The following YLPM1 variants were observed in gnomAD, a reference collection of about 807,000 sequenced individuals.
The protein encoded by YLPM1 is YLP motif containing 1, also known as YLP motif-containing protein 1.
YLPM1 carries 99 observed loss-of-function variants against 230.0 expected under a neutral mutation model. The observed-to-expected ratio is 0.43, with a 90% CI of 0.37 to 0.51. The LOEUF (loss-of-function observed/expected upper bound fraction) is 0.51, where lower values mean the gene tolerates loss of function less well. Ranked by LOEUF, YLPM1 falls within the 20% of genes least tolerant of loss-of-function variation. YLPM1 has a pLI of 0.00. For missense variants in YLPM1, 2,592 were observed against 2,707.7 expected (o/e 0.96, Z 0.95); for synonymous variants, 984 against 942.5 (o/e 1.04, Z -0.81).
intron 18 of YLPM1, chr14:74,827,822 G>A: frequency 1.0e-6 from 1 of 985,030 alleles, no homozygotes; most frequent in African/African-American, 1.7e-5. Context: ...TGTGCAGTCA[G>A]GGGGTCACTT....
intron 4 of YLPM1, among the ~76,000 whole-genome samples, chr14:74,792,021 T>G (rs1442000326): frequency 6.6e-6 from 1 of 152,206 alleles, no homozygotes; most frequent in Admixed American, 6.5e-5. Flanking sequence ...ACATAGCAAA[T>G]GATTTTATAC....
chr14:74,808,040 A>G (rs2140122440), intron 6 of YLPM1, among the ~76,000 whole-genome samples: 1 of 152,302 alleles, frequency 6.6e-6, no homozygotes, highest in African/African-American at 2.4e-5. Context: ...TAGATTTGGT[A>G]TTGGCCTGGG....
Position 74,812,790 on chromosome 14 carries a change from C to G in YLPM1, c.5502+8C>G, listed in dbSNP as rs3815629. The G allele has an allele frequency of 6.2e-7, 1 of 1,609,932 alleles. No homozygotes were observed. The highest frequency in any genetic ancestry group is 8.5e-7 in the Non-Finnish European group (1 of 1,177,610). On this transcript the variant is annotated splice_region_variant and intron_variant, in intron 11 of 20. Transcript: ENST00000325680. ...GAGAGCAGACCTGAGAGAGTGAGTCCTATGAAGTTGATTCGTCTTCGTGCA... is the reference window on the plus strand; with the variant it reads ...GAGAGCAGACCTGAGAGAGTGAGTCGTATGAAGTTGATTCGTCTTCGTGCA...
intron 6 of YLPM1, among the ~76,000 whole-genome samples, chr14:74,806,128 A>G (rs1280404783): frequency 6.6e-6 from 1 of 150,530 alleles, no homozygotes; most frequent in Non-Finnish European, 1.5e-5. Context: ...AGGCCAAGGC[A>G]GGTGGATCAC....
intron 18 of YLPM1, among the ~76,000 whole-genome samples, chr14:74,825,390 T>A (rs1170972041): frequency 6.6e-6 from 1 of 152,158 alleles, no homozygotes; most frequent in Non-Finnish European, 1.5e-5. Flanking sequence ...TGTTGTCAAG[T>A]CTAAAAGATT....
chr14:74,820,157 G>A (rs949228186), intron 16 of YLPM1, among the ~76,000 whole-genome samples: 1 of 151,944 alleles, frequency 6.6e-6, no homozygotes, highest in East Asian at 1.9e-4. Context: ...AATATTGTTC[G>A]TCCAAACCTG....
intron 19 of YLPM1, among the ~76,000 whole-genome samples, chr14:74,831,415 A>G (rs970701528): frequency 6.6e-6 from 1 of 152,250 alleles, no homozygotes; most frequent in Non-Finnish European, 1.5e-5. Flanking sequence ...CTCCAGTTTT[A>G]AGGCTGGAGC....
intron 2 of YLPM1, among the ~76,000 whole-genome samples, chr14:74,778,995 C>G (rs2091068496): frequency 1.3e-5 from 2 of 152,102 alleles, no homozygotes; most frequent in Non-Finnish European, 2.9e-5. Flanking sequence ...CATGCACCAC[C>G]ATGACCGGCT....
chr14:74,812,060 C>T lies in YLPM1; in HGVS notation c.5347+322C>T, dbSNP rs79818843. On this transcript the variant is annotated intron_variant, in intron 10 of 20. Transcript: ENST00000325680. ...AAGTATAATAATACAATTTCTTTATCGTGATTGTTCTGATTGATATTGCAC... is the reference window on the plus strand; with the variant it reads ...AAGTATAATAATACAATTTCTTTATTGTGATTGTTCTGATTGATATTGCAC... Among the ~76,000 whole-genome samples the T allele has an allele frequency of 1.4e-4, 22 of 152,230 alleles. No individual in the cohort carries two copies. In the East Asian group the frequency reaches 2.9e-3, roughly 20 times the overall value.
rs766753351 is a variant in YLPM1 at position 74,781,728 on chromosome 14, C to T, written c.1685C>T (p.Pro562Leu). The T allele has an allele frequency of 3.1e-6, 5 of 1,612,850 alleles. No homozygotes were observed. The highest frequency in any genetic ancestry group is 4.2e-6 in the Non-Finnish European group (5 of 1,179,624). Residue 562 changes from proline to leucine, a missense_variant, in exon 4 of 21, where the codon CCA becomes CTA. By Grantham distance (98) the Pro-to-Leu change is moderately conservative. This residue lies in a region of YLPM1 where 1,862 missense variants were observed against 1,819.8 expected (regional missense o/e 1.02). Coordinates refer to ENST00000325680, the MANE Select transcript of YLPM1 (RefSeq NM_019589.3). ...ACAGTGCCACCACCTGGCATGCCCC[C>T]ACCTGTTATGCCACCTTCTCTACCA... ...PATVPPPGMP[P>L]PVMPPSLPTS...
In YLPM1 at chr14:74,787,274, C is replaced by T. The variant is rs116304239; in HGVS notation, c.2282+4949C>T. ...TTCTTAATGAGCACTTGAATGTAAACGCTGCATGCTGGGTACAGTGGCTCA... is the reference window on the plus strand; with the variant it reads ...TTCTTAATGAGCACTTGAATGTAAATGCTGCATGCTGGGTACAGTGGCTCA... On this transcript the variant is annotated intron_variant, in intron 4 of 20. Transcript: ENST00000325680. Among the ~76,000 whole-genome samples, 555 of 152,214 alleles carry T rather than the reference C, an allele frequency of 3.6e-3. 8 individuals carry two copies. Among genetic ancestry groups the T allele is most frequent in the African/African-American group, 0.012 (519 of 41,540 alleles).
chr14:74,826,898 T>C (rs1566767463), intron 18 of YLPM1, among the ~76,000 whole-genome samples: 1 of 152,248 alleles, frequency 6.6e-6, no homozygotes, highest in Non-Finnish European at 1.5e-5. Flanking sequence ...ACTGTGAAGC[T>C]AGAATATTTG....
rs770411667 is a variant in YLPM1 at position 74,824,303 on chromosome 14, G to A, written c.6159G>A (p.Lys2053=). 1.2e-6 allele frequency: 2 copies of A among 1,612,148 alleles called. No individual in the cohort carries two copies. The highest frequency in any genetic ancestry group is 1.1e-5 in the South Asian group (1 of 90,928). The change falls in exon 18 of 21, where the codon AAG becomes AAA. Residue 2053 remains lysine (K), a synonymous_variant. Transcript: ENST00000325680. ...SKWEMDTSEA[K]LDKLDGLRTG... ...GGGAGATGGACACATCTGAGGCAAA[G>A]CTAGGTGGGTATTTCCTTTTTCCTG...
At chr14:74,810,720 TTTATTATTA>T (rs34344967) in intron 9 of YLPM1, among the ~76,000 whole-genome samples, 3 of 150,258 alleles carry the variant, frequency 2.0e-5, no homozygotes, top group Non-Finnish European at 3.0e-5. Flanking sequence ...GAGCTTTTTA[TTTATTATTA>T]TTATTATTAT....
chr14:74,777,066 G>GA (rs1298439997), intron 1 of YLPM1, among the ~76,000 whole-genome samples: 3 of 148,788 alleles, frequency 2.0e-5, no homozygotes, highest in Non-Finnish European at 3.0e-5. Flanking sequence ...CTCAAAAAAA[G>GA]AAAAAAAAAT....
intron 4 of YLPM1, among the ~76,000 whole-genome samples, chr14:74,788,825 G>A (rs2091174018): frequency 6.6e-6 from 1 of 152,122 alleles, no homozygotes; most frequent in African/African-American, 2.4e-5. Flanking sequence ...AACATAGTGA[G>A]ATCCTGACTC....
rs1442823058 is a variant in YLPM1, at chr14:74,809,592, T to C, written c.4734T>C (p.Ser1578=). ...AACAGGAACGATGGGATGAAGATTCTTTCTATGGGCTCTGGGATACAAATG... is the reference window on the plus strand; with the variant it reads ...AACAGGAACGATGGGATGAAGATTCCTTCTATGGGCTCTGGGATACAAATG... ...AVEQERWDED[S]FYGLWDTNDE... is the part of the protein sequence containing the mutation. The change falls in exon 7 of 21, where the codon TCT becomes TCC. Residue 1578 remains serine (S), a synonymous_variant. Coordinates refer to ENST00000325680, the MANE Select transcript of YLPM1 (RefSeq NM_019589.3). The C allele has an allele frequency of 1.2e-6, 2 of 1,613,608 alleles. No individual in the cohort carries two copies. Among genetic ancestry groups the C allele is most frequent in the Middle Eastern group, 1.7e-4 (1 of 6,060 alleles).
Position 74,799,053 on chromosome 14 carries a change from A to G in YLPM1, c.3756A>G (p.Pro1252=), listed in dbSNP as rs746079691. ...GAGAGGACAGGTTCTCAGCACCACC[A>G]TCTCGGTCTCATGATGGAGATAGGC... ...YNREDRFSAP[P]SRSHDGDRRG... Residue 1252 remains proline (P), a synonymous_variant, in exon 5 of 21, where the codon CCA becomes CCG. Coordinates refer to ENST00000325680, the MANE Select transcript of YLPM1 (RefSeq NM_019589.3). The G allele has an allele frequency of 6.2e-6, 10 of 1,613,998 alleles. No individual in the cohort carries two copies. Among genetic ancestry groups the G allele is most frequent in the Middle Eastern group, 1.6e-4 (1 of 6,062 alleles).
rs1262305768 is a variant in YLPM1, at chr14:74,829,097, A to T, written c.6164-116A>T. ...AGTTTGGATCTGCAAGTGATGCTGC[A>T]CTCAAAAATGTGGATATGCCCTCTG... On this transcript the variant is annotated intron_variant, in intron 18 of 20. Transcript: ENST00000325680. 9 of 1,197,494 alleles carry T rather than the reference A, an allele frequency of 7.5e-6. No homozygotes were observed. In the African/African-American group the frequency reaches 1.2e-4, roughly 16 times the overall value. The allele number at this position is 1,197,494 out of a possible 1,614,324, so 74.2% of individuals were successfully genotyped here.
Sources: allele counts gnomAD v4.1 joint callset (sites outside exome capture counted in the v4.1 genomes callset), GRCh38; gene constraint gnomAD v4.1.1; regional missense constraint gnomAD v4.1.1; transcripts MANE v1.5; gene names NCBI Gene and HGNC (gene_info 2026-07-23, HGNC 2026-07-21).